The following RPLP2 variants were observed in gnomAD, a reference collection of about 807,000 sequenced individuals.
RPLP2 encodes the protein large ribosomal subunit protein P2.
A neutral mutation model predicts 11.5 loss-of-function variants in RPLP2; 1 was observed. That is an observed-to-expected ratio of 0.09 (90% CI 0.03 to 0.41). The LOEUF (loss-of-function observed/expected upper bound fraction) is 0.41. Ranked by LOEUF, RPLP2 falls within the 10% of genes least tolerant of loss-of-function variation. RPLP2 has a pLI of 0.98. For synonymous variants in RPLP2, 82 were observed against 55.9 expected (o/e 1.47, Z -2.08); for missense variants, 177 against 145.6 (o/e 1.22, Z -1.11).
intron 2 of RPLP2, 104 bp downstream of exon 2, chr11:810,461 T>C (rs889654519): frequency 8.5e-7 from 1 of 1,170,766 alleles, no homozygotes; most frequent in Non-Finnish European, 1.2e-6. Context: ...GGGGAGAGGC[T>C]CGTTTCAGTC....
In RPLP2 at chr11:810,375, C is replaced by T; in HGVS notation, c.123+18C>T. The T allele has an allele frequency of 1.2e-6, 2 of 1,600,356 alleles. No individual in the cohort carries two copies. The highest frequency in any genetic ancestry group is 2.7e-5 in the African/African-American group (2 of 73,694). Reference sequence around the variant, plus strand: ...TCAACAAGGTAGCGGCCGCCCTTGCCCCGCAGCCGCCGTGGGGCCCCAGTG... The same window carrying T: ...TCAACAAGGTAGCGGCCGCCCTTGCTCCGCAGCCGCCGTGGGGCCCCAGTG... On this transcript the variant is annotated intron_variant, in intron 2 of 4. Transcript: ENST00000321153.
chr11:812,730 T>A (rs1418182328), intron 4 of RPLP2, 30 bp from the exon 5 acceptor site: 1 of 1,612,902 alleles, frequency 6.2e-7, no homozygotes, highest in Admixed American at 1.7e-5. Context: ...ACTTGGGCAG[T>A]GCTCACCATG....
rs1194890521 is a variant in RPLP2, at chr11:810,363, G to A, written c.123+6G>A. ...ACGACGACCGGCTCAACAAGGTAGCGGCCGCCCTTGCCCCGCAGCCGCCGT... is the reference window on the plus strand; with the variant it reads ...ACGACGACCGGCTCAACAAGGTAGCAGCCGCCCTTGCCCCGCAGCCGCCGT... On this transcript the variant is annotated splice_donor_region_variant and intron_variant, in intron 2 of 4. Transcript: ENST00000321153. 3.7e-6 allele frequency: 6 copies of A among 1,604,242 alleles called. No homozygotes were observed. Among genetic ancestry groups the A allele is most frequent in the African/African-American group, 1.4e-5 (1 of 73,904 alleles).
At chr11:811,420 T>C (rs2133836508) in intron 2 of RPLP2, 177 bp from the exon 3 acceptor site, 1 of 656,562 alleles carries the variant, frequency 1.5e-6, no homozygotes, top group Non-Finnish European at 2.7e-6. Flanking sequence ...CTAGTGTCCA[T>C]TTATTTTTAT....
intron 3 of RPLP2, 73 bp downstream of exon 3, chr11:811,718 G>A: frequency 6.3e-7 from 1 of 1,598,394 alleles, no homozygotes; most frequent in Middle Eastern, 1.7e-4. Context: ...TCTGTGGCCT[G>A]CCAGGTTTCG....
At chr11:811,872 G>A in intron 3 of RPLP2, 1 of 751,502 alleles carries the variant, frequency 1.3e-6, no homozygotes, top group Non-Finnish European at 2.5e-6. Flanking sequence ...AGGTGGCCCT[G>A]CCTCTTAAGC....
At position 811,805 on chromosome 11, in the gene RPLP2, C is replaced by A. The variant is rs560330328; in HGVS notation, c.172+160C>A. 3.7e-5 allele frequency: 33 copies of A among 891,654 alleles called. No individual in the cohort carries two copies. The Admixed American group carries it at 4.2e-4, about 11-fold the overall frequency. 55.2% of individuals were successfully genotyped at this position (891,654 alleles called of 1,614,324 possible). A position where few individuals can be genotyped will look rare whatever the true frequency, so the allele number is the denominator to read the frequency against. Reference sequence around the variant, plus strand: ...CAGTGGGCTCACGTCATGGGCACTTCTAGACACTCTCAGGAGCAGGGCAGC... The same window carrying A: ...CAGTGGGCTCACGTCATGGGCACTTATAGACACTCTCAGGAGCAGGGCAGC... On this transcript the variant is annotated intron_variant, in intron 3 of 4. Transcript: ENST00000321153.
chr11:811,558 G>C lies in RPLP2; in HGVS notation c.124-39G>C, dbSNP rs927921436. The stretch of plus-strand genomic sequence containing the variant: ...GAGGGAGAGGGCCGGGGATACAATC[G>C]TACATTCCTGGTAACAGCCCTGTGA... On this transcript the variant is annotated intron_variant, in intron 2 of 4. Transcript: ENST00000321153. The C allele has an allele frequency of 8.7e-6, 14 of 1,613,326 alleles. No homozygotes were observed. In the African/African-American group the frequency reaches 1.7e-4, roughly 20 times the overall value.
At position 812,634 on chromosome 11, in the gene RPLP2, G is replaced by A; in HGVS notation, c.271+1G>A. 2 of 1,610,632 alleles carry A rather than the reference G, an allele frequency of 1.2e-6. No individual in the cohort carries two copies. The highest frequency in any genetic ancestry group is 1.7e-6 in the Non-Finnish European group (2 of 1,179,972). ...GCTGCTGGTTCTGCCCCTGCTGCAG[G>A]TAAGTGGTGGCCTGGTGAGTGGGCA... On this transcript the variant is annotated splice_donor_variant, in intron 4 of 4. Coordinates refer to ENST00000321153, the MANE Select transcript of RPLP2 (RefSeq NM_001004.4). LOFTEE classifies it high-confidence loss of function.
Position 812,605 on chromosome 11 carries a change from C to G in RPLP2, c.243C>G (p.Ala81=). Reference sequence around the variant, plus strand: ...TCTCTGCTGCCCCAGGCTCTGCAGCCCCTGCTGCTGGTTCTGCCCCTGCTG... The same window carrying G: ...TCTCTGCTGCCCCAGGCTCTGCAGCGCCTGCTGCTGGTTCTGCCCCTGCTG... The part of the protein sequence containing the change: ...VAVSAAPGSA[A]PAAGSAPAAA... Residue 81 remains alanine, a synonymous_variant, in exon 4 of 5, where the codon GCC becomes GCG. Transcript: ENST00000321153. The G allele has an allele frequency of 2.5e-6, 4 of 1,609,388 alleles. No individual in the cohort carries two copies. The highest frequency in any genetic ancestry group is 3.4e-6 in the Non-Finnish European group (4 of 1,179,592).
At position 812,006 on chromosome 11, in the gene RPLP2, G is replaced by A. The variant is rs116003538; in HGVS notation, c.172+361G>A. The A allele has an allele frequency of 3.0e-3, 1,329 of 449,364 alleles. 20 individuals carry two copies. The highest frequency in any genetic ancestry group is 0.023 in the African/African-American group (1,141 of 50,278). The allele number at this position is 449,364 out of a possible 1,614,324, so 27.8% of individuals were successfully genotyped here. A position where few individuals can be genotyped will look rare whatever the true frequency, so the allele number is the denominator to read the frequency against. ...TGTGAGGGGGTTGGGGGCAGGGACTGAGGGTGCCAGGGATGTCCATAGGCT... is the reference window on the plus strand; with the variant it reads ...TGTGAGGGGGTTGGGGGCAGGGACTAAGGGTGCCAGGGATGTCCATAGGCT... On this transcript the variant is annotated intron_variant, in intron 3 of 4. Transcript: ENST00000321153.
In RPLP2 at chr11:810,060, C is replaced by T. The variant is rs866990660; in HGVS notation, c.-2+21C>T. 317 of 765,782 alleles carry T rather than the reference C, an allele frequency of 4.1e-4. 3 individuals carry two copies. The African/African-American group carries it at 5.1e-3, about 12-fold the overall frequency. The allele number at this position is 765,782 out of a possible 1,614,324, so 47.4% of individuals were successfully genotyped here. On this transcript the variant is annotated intron_variant, in intron 1 of 4. Coordinates refer to ENST00000321153, the MANE Select transcript of RPLP2 (RefSeq NM_001004.4). ...GCCGCGTGAGTGTGGTGACCGGGCC[C>T]GGGGTGCCGGCTGGGGACGCGGAGT...
intron 4 of RPLP2, 28 bp downstream of exon 4, chr11:812,661 G>A: frequency 6.2e-7 from 1 of 1,611,554 alleles, no homozygotes; most frequent in Non-Finnish European, 8.5e-7. Flanking sequence ...GAGTGGGCAA[G>A]GGGCTGGGGC....
rs1205498016 is a variant in RPLP2, at chr11:810,021, C to A, written c.-20C>A. On this transcript the variant is annotated 5_prime_UTR_variant, in exon 1 of 5. Coordinates refer to ENST00000321153, the MANE Select transcript of RPLP2 (RefSeq NM_001004.4). ...CACGCGTGAGACTTCTCCGCCGCCT[C>A]CGCCGCAGACGCCGCCGCGTGAGTG... 3 of 464,510 alleles carry A rather than the reference C, an allele frequency of 6.5e-6. No homozygotes were observed. Among genetic ancestry groups the A allele is most frequent in the Non-Finnish European group, 1.0e-5 (3 of 287,976 alleles). 28.8% of individuals were successfully genotyped at this position (464,510 alleles called of 1,614,324 possible).
intron 3 of RPLP2, chr11:812,223 C>G (rs1276563308): frequency 1.3e-5 from 6 of 447,604 alleles, no homozygotes; most frequent in African/African-American, 1.2e-4. Context: ...GGGCAGCACA[C>G]TCATTCCCTA....
intron 1 of RPLP2, 84 bp downstream of exon 1, chr11:810,123 G>A (rs986076468): frequency 4.7e-6 from 6 of 1,283,694 alleles, no homozygotes; most frequent in East Asian, 3.1e-5. Context: ...GTATTTTTGG[G>A]ACGGAGGCCT....
chr11:810,220 T>A lies in RPLP2; in HGVS notation c.-1-14T>A. The A allele has an allele frequency of 1.3e-6, 2 of 1,527,998 alleles. No homozygotes were observed. Among genetic ancestry groups the A allele is most frequent in the Non-Finnish European group, 1.8e-6 (2 of 1,136,658 alleles). 94.7% of individuals were successfully genotyped at this position (1,527,998 alleles called of 1,614,324 possible). A position where few individuals can be genotyped will look rare whatever the true frequency, so the allele number is the denominator to read the frequency against. On this transcript the variant is annotated splice_polypyrimidine_tract_variant and intron_variant, in intron 1 of 4. Transcript: ENST00000321153. ...GGGGTAACTCCGCCGTCGCGTCCTCTCCGCCCGCCTCAGGATGCGCTACGT... is the reference window on the plus strand; with the variant it reads ...GGGGTAACTCCGCCGTCGCGTCCTCACCGCCCGCCTCAGGATGCGCTACGT...
intron 3 of RPLP2, 169 bp downstream of exon 3, chr11:811,814 C>T (rs1296162432): frequency 4.6e-6 from 4 of 868,168 alleles, no homozygotes; most frequent in Non-Finnish European, 6.0e-6. Context: ...TCTAGACACT[C>T]TCAGGAGCAG....
chr11:811,334 T>A (rs1241250822), intron 2 of RPLP2: 1 of 536,822 alleles, frequency 1.9e-6, no homozygotes, highest in Non-Finnish European at 3.4e-6. Context: ...TTTGCCAGTG[T>A]TGAAGATACC....
Sources: gnomAD v4.1 joint callset for allele counts on GRCh38, gnomAD v4.1.1 for gene constraint, MANE v1.5 for transcripts, NCBI Gene and HGNC (gene_info 2026-07-23, HGNC 2026-07-21) for gene names.